SNED1: variants seen among roughly 807,000 people sequenced by gnomAD.
The protein encoded by SNED1 is sushi, nidogen and EGF like domains 1.
In SNED1, 81 loss-of-function variants were observed where a neutral mutation model predicts 166.7. That is an observed-to-expected ratio of 0.49 (90% CI 0.41 to 0.58). The LOEUF is 0.58. SNED1 is among the 20% of genes least tolerant of loss of function. SNED1 has a pLI of 0.00. For synonymous variants in SNED1, 762 were observed against 822.0 expected (o/e 0.93, Z 1.25); for missense variants, 1,604 against 2,000.2 (o/e 0.80, Z 3.78).
chr2:241,024,652 C>T (rs202018279), intron 1 of SNED1, among the ~76,000 whole-genome samples: 11 of 139,532 alleles, frequency 7.9e-5, no homozygotes, highest in Non-Finnish European at 1.1e-4. Context: ...CTTATTTTAT[C>T]TTATTTTATT....
chr2:241,082,400 G>C, intron 29 of SNED1, 36 bp downstream of exon 29: 2 of 1,545,846 alleles, frequency 1.3e-6, no homozygotes, highest in East Asian at 4.5e-5. Flanking sequence ...TACCGCATTT[G>C]TCGTGTGTTC....
intron 8 of SNED1, among the ~76,000 whole-genome samples, chr2:241,040,734 G>C (rs1559253627): frequency 6.6e-6 from 1 of 152,176 alleles, no homozygotes; most frequent in Non-Finnish European, 1.5e-5. Flanking sequence ...AAGTTCACAA[G>C]TCTCCTCTTC....
At chr2:241,080,930 G>A (rs1448635961) in intron 27 of SNED1, among the ~76,000 whole-genome samples, 1 of 152,238 alleles carries the variant, frequency 6.6e-6, no homozygotes, top group East Asian at 1.9e-4. Context: ...GGGCAGGAGC[G>A]ACAGGGACAG....
Position 241,068,861 on chromosome 2 carries a change from A to G in SNED1, c.3195-50A>G, listed in dbSNP as rs1190420815. 7.6e-7 allele frequency: 1 copy of G among 1,318,634 alleles called. No homozygotes were observed. The allele number at this position is 1,318,634 out of a possible 1,614,324, so 81.7% of individuals were successfully genotyped here. A position where few individuals can be genotyped will look rare whatever the true frequency, so the allele number is the denominator to read the frequency against. On this transcript the variant is annotated intron_variant, in intron 22 of 31. Coordinates refer to ENST00000310397, the MANE Select transcript of SNED1 (RefSeq NM_001080437.3). This position sits in a 1 kb window ranked among gnomAD's most constrained non-coding sequence, Gnocchi z 5.3. ...AGCTGCGGTCTGGCAGCAGAGTCAC[A>G]CACAGGTCCCAGACATCCCTGTTCT...
At chr2:241,017,765 A>C (rs944987775) in intron 1 of SNED1, among the ~76,000 whole-genome samples, 4 of 152,200 alleles carry the variant, frequency 2.6e-5, no homozygotes, top group African/African-American at 7.2e-5. Context: ...CATGACCCTC[A>C]GGGGCCCAGG....
At chr2:241,011,012 C>G (rs2060374672) in intron 1 of SNED1, among the ~76,000 whole-genome samples, 1 of 152,134 alleles carries the variant, frequency 6.6e-6, no homozygotes. Context: ...CGCAGCATCT[C>G]TACCCTGCAG....
chr2:241,064,629 T>A lies in SNED1; in HGVS notation c.2600-215T>A, dbSNP rs1387111402. Among the ~76,000 whole-genome samples, 1 of 152,146 alleles carries A rather than the reference T, an allele frequency of 6.6e-6. No individual in the cohort carries two copies. The highest frequency in any genetic ancestry group is 2.4e-5 in the African/African-American group (1 of 41,436). ...GTCTCCTCCCCTCAGCCAGTCCGGC[T>A]GGTGGCACTCCGCTGTGGAGGGTGG... On this transcript the variant is annotated intron_variant, in intron 19 of 31. Transcript: ENST00000310397. The surrounding 1 kb of genome is among the most constrained non-coding windows in gnomAD (Gnocchi z 7.0).
At chr2:241,082,514 G>T (rs1335527440) in intron 29 of SNED1, 150 bp downstream of exon 29, 4 of 622,846 alleles carry the variant, frequency 6.4e-6, no homozygotes, top group Non-Finnish European at 1.2e-5. Context: ...TTCCCTCCAT[G>T]TCACAAATTA....
Position 241,069,045 on chromosome 2 carries a change from C to T in SNED1, c.3307+22C>T, listed in dbSNP as rs1443945820. 2 of 1,505,120 alleles carry T rather than the reference C, an allele frequency of 1.3e-6. No homozygotes were observed. Among genetic ancestry groups the T allele is most frequent in the East Asian group, 4.9e-5 (2 of 40,584 alleles). 93.2% of individuals were successfully genotyped at this position (1,505,120 alleles called of 1,614,324 possible). A position where few individuals can be genotyped will look rare whatever the true frequency, so the allele number is the denominator to read the frequency against. On this transcript the variant is annotated intron_variant, in intron 23 of 31. Transcript: ENST00000310397. This position sits in a 1 kb window ranked among gnomAD's most constrained non-coding sequence, Gnocchi z 4.9. ...ACCCGTGAGTAGAGCAGCGCGGCCCCCGGCACACGAAAGGCCGTCTTCTAG... is the reference window on the plus strand; with the variant it reads ...ACCCGTGAGTAGAGCAGCGCGGCCCTCGGCACACGAAAGGCCGTCTTCTAG...
chr2:241,065,246 C>A, intron 20 of SNED1, 53 bp from the exon 21 acceptor site: 1 of 1,588,544 alleles, frequency 6.3e-7, no homozygotes, highest in Non-Finnish European at 8.6e-7. Flanking sequence ...GCCAGGCATG[C>A]ATAGCTAACG....
At chr2:241,000,432 C>A (rs1385169901) in intron 1 of SNED1, among the ~76,000 whole-genome samples, 2 of 152,214 alleles carry the variant, frequency 1.3e-5, no homozygotes, top group East Asian at 3.8e-4. Context: ...ACGGGACTGA[C>A]TCCTGGAAGT....
At chr2:241,078,556 A>G (rs1440769344) in intron 27 of SNED1, among the ~76,000 whole-genome samples, 1 of 151,780 alleles carries the variant, frequency 6.6e-6, no homozygotes, top group Non-Finnish European at 1.5e-5. Context: ...TCTATGTACT[A>G]TGATTCCATT....
In SNED1 at chr2:241,094,990, C is replaced by G. The variant is rs2064304286; in HGVS notation, c.*3354C>G. ...TCTCAGGGATCACCCCGGCTGACAT[C>G]AAATTCCTCTTCTCTTTTCCCAACA... is the stretch of plus-strand genomic sequence containing the variant. On this transcript the variant is annotated 3_prime_UTR_variant, in exon 32 of 32. Transcript: ENST00000310397. The surrounding 1 kb of genome is among the most constrained non-coding windows in gnomAD (Gnocchi z 4.3). 1 of 150,856 alleles carries G rather than the reference C, an allele frequency of 6.6e-6. No individual in the cohort carries two copies. The highest frequency in any genetic ancestry group is 2.1e-4 in the South Asian group (1 of 4,742). The allele number at this position is 150,856 out of a possible 1,614,324, so 9.3% of individuals were successfully genotyped here.
chr2:241,062,947 A>T (rs1404262271), intron 17 of SNED1, 43 bp downstream of exon 17: 3 of 1,299,342 alleles, frequency 2.3e-6, no homozygotes, highest in Non-Finnish European at 3.2e-6. Flanking sequence ...GCTGCAGCAC[A>T]CTGGCCATGT....
Position 241,089,263 on chromosome 2 carries a change from C to T in SNED1, c.*1+861C>T. The T allele has an allele frequency of 2.0e-6, 3 of 1,534,846 alleles. No homozygotes were observed. In the South Asian group the frequency reaches 3.7e-5, roughly 19 times the overall value. ...CCTAGGACAGCTTTGCTCTTCCTGC[C>T]CCTTATAGGAGCCCTCACAGTTCAT... On this transcript the variant is annotated intron_variant, in intron 31 of 31. Coordinates refer to ENST00000310397, the MANE Select transcript of SNED1 (RefSeq NM_001080437.3).
At position 241,087,612 on chromosome 2, in the gene SNED1, G is replaced by C. The variant is rs2063649854; in HGVS notation, c.4205+137G>C. 5.5e-6 allele frequency: 8 copies of C among 1,443,356 alleles called. No individual in the cohort carries two copies. The East Asian group carries it at 1.8e-4, about 32-fold the overall frequency. The allele number at this position is 1,443,356 out of a possible 1,614,324, so 89.4% of individuals were successfully genotyped here. ...TACTCGCCCAGATAGGCAGCCCCTG[G>C]GCAGCCACGTTCTGCTACGAAACTG... is the stretch of plus-strand genomic sequence containing the variant. On this transcript the variant is annotated intron_variant, in intron 30 of 31. Coordinates refer to ENST00000310397, the MANE Select transcript of SNED1 (RefSeq NM_001080437.3).
intron 29 of SNED1, 120 bp downstream of exon 29, chr2:241,082,484 G>T (rs1452577268): frequency 5.7e-6 from 4 of 704,206 alleles, no homozygotes; most frequent in Non-Finnish European, 9.7e-6. Context: ...GTCACAGAAG[G>T]GACTTGCTTT....
chr2:241,012,611 A>G (rs2060445817), intron 1 of SNED1, among the ~76,000 whole-genome samples: 2 of 152,146 alleles, frequency 1.3e-5, no homozygotes. Flanking sequence ...TTGTTGTTTT[A>G]ATTGAATTTT....
At position 241,018,921 on chromosome 2, in the gene SNED1, A is replaced by ACGGT. The variant is rs1269992260; in HGVS notation, c.214-11361_214-11358dup. ...GGAAAGAGCCTTATCAGGCCCAGAA[A>ACGGT]CGGTCAGGGCCAAACCTCAAGGCTT... is the stretch of plus-strand genomic sequence containing the variant. On this transcript the variant is annotated intron_variant, in intron 1 of 31. Transcript: ENST00000310397. The surrounding 1 kb of genome is among the most constrained non-coding windows in gnomAD (Gnocchi z 5.4). 3.9e-5 allele frequency among the ~76,000 whole-genome samples: 6 copies of ACGGT among 152,216 alleles called. No homozygotes were observed. In the East Asian group the frequency reaches 1.2e-3, roughly 29 times the overall value.
Sources: allele counts gnomAD v4.1 joint callset (sites outside exome capture counted in the v4.1 genomes callset), GRCh38; gene constraint gnomAD v4.1.1; non-coding constraint Gnocchi (gnomAD v3.1); transcripts MANE v1.5; gene names NCBI Gene and HGNC (gene_info 2026-07-23, HGNC 2026-07-21).